The following SLC9A3 variants were observed in gnomAD, a reference collection of about 807,000 sequenced individuals.
SLC9A3 encodes sodium/hydrogen exchanger 3.
In SLC9A3, 37 loss-of-function variants were observed where a neutral mutation model predicts 86.8. The ratio of observed to expected loss-of-function variants is 0.43; its 90% CI spans 0.33 to 0.56. The LOEUF (loss-of-function observed/expected upper bound fraction) is 0.56. Ranked by LOEUF, SLC9A3 falls within the 20% of genes least tolerant of loss-of-function variation. The pLI is 0.06. For synonymous variants in SLC9A3, 581 were observed against 528.3 expected (o/e 1.10, Z -1.37); for missense variants, 1,011 against 1,171.9 (o/e 0.86, Z 2.00).
At chr5:503,881 G>A (rs73730834) in intron 1 of SLC9A3, among the ~76,000 whole-genome samples, 2,911 of 152,300 alleles carry the variant, frequency 0.019, 92 homozygotes, top group African/African-American at 0.067. Flanking sequence ...AATCGTCTGC[G>A]CGAGGCTGGG....
chr5:501,947 G>C (rs766361811), intron 1 of SLC9A3, among the ~76,000 whole-genome samples: 3 of 152,222 alleles, frequency 2.0e-5, no homozygotes, highest in Non-Finnish European at 4.4e-5. Context: ...GAGCGAGGCC[G>C]GGCCCCCGGG....
chr5:512,911 C>A (rs1015778404), intron 1 of SLC9A3, among the ~76,000 whole-genome samples: 2 of 152,162 alleles, frequency 1.3e-5, no homozygotes, highest in Admixed American at 1.3e-4. Flanking sequence ...TCTGACTCCA[C>A]GGTGCTGACA....
intron 10 of SLC9A3, chr5:479,489 G>GAT: frequency 7.4e-6 from 2 of 269,676 alleles, no homozygotes; most frequent in South Asian, 3.8e-5. Context: ...ACCTGCGTGT[G>GAT]CTGGGGCAGG....
chr5:483,614 C>G, intron 5 of SLC9A3, 132 bp from the exon 6 acceptor site: 1 of 698,460 alleles, frequency 1.4e-6, no homozygotes, highest in Non-Finnish European at 2.5e-6. Context: ...GGGCCTCTTC[C>G]TCCCGAGCCA....
intron 1 of SLC9A3, among the ~76,000 whole-genome samples, chr5:523,795 C>T (rs1037053055): frequency 2.0e-5 from 3 of 152,204 alleles, no homozygotes; most frequent in Non-Finnish European, 4.4e-5. Context: ...CGGGGACTCC[C>T]TGGGCGCGAG....
At chr5:489,779 A>G (rs1042261121) in intron 2 of SLC9A3, among the ~76,000 whole-genome samples, 41 of 151,984 alleles carry the variant, frequency 2.7e-4, no homozygotes, top group Non-Finnish European at 5.0e-4. Context: ...GATGGCCCCC[A>G]TGGATGTCCT....
Position 497,941 on chromosome 5 carries a change from G to A in SLC9A3, c.212-5870C>T, listed in dbSNP as rs1188823452. On this transcript the variant is annotated intron_variant, in intron 1 of 16. Coordinates refer to ENST00000264938, the MANE Select transcript of SLC9A3 (RefSeq NM_004174.4). The surrounding 1 kb of genome is among the most constrained non-coding windows in gnomAD (Gnocchi z 5.4). ...CCAGCCTCTGCCCTCCGACAACTCAGGCACCTGCTGGTCAGCTATGAAGCC... is the reference window on the plus strand; with the variant it reads ...CCAGCCTCTGCCCTCCGACAACTCAAGCACCTGCTGGTCAGCTATGAAGCC... Among the ~76,000 whole-genome samples the A allele has an allele frequency of 6.6e-6, 1 of 152,164 alleles. No individual in the cohort carries two copies. The highest frequency in any genetic ancestry group is 2.4e-5 in the African/African-American group (1 of 41,454).
intron 9 of SLC9A3, among the ~76,000 whole-genome samples, chr5:481,250 C>T (rs769524670): frequency 6.6e-5 from 10 of 152,204 alleles, no homozygotes; most frequent in Non-Finnish European, 1.2e-4. Flanking sequence ...AATCTATTTG[C>T]CTTATTTTCA....
At chr5:507,709 C>T (rs1181866461) in intron 1 of SLC9A3, among the ~76,000 whole-genome samples, 4 of 93,454 alleles carry the variant, frequency 4.3e-5, no homozygotes, top group East Asian at 4.9e-4. Context: ...GCCCGAATCT[C>T]CACCCCGCAG....
chr5:486,675 C>T (rs901379163), intron 3 of SLC9A3, among the ~76,000 whole-genome samples: 2 of 152,130 alleles, frequency 1.3e-5, no homozygotes, highest in Non-Finnish European at 2.9e-5. Context: ...GGCATGTGAG[C>T]GTGAAAAAGG....
chr5:485,103 G>T (rs775333443), intron 4 of SLC9A3, 50 bp downstream of exon 4: 5 of 1,347,050 alleles, frequency 3.7e-6, no homozygotes, highest in Non-Finnish European at 5.3e-6. Context: ...AAGACAGTTG[G>T]CCCCAGAGGA....
chr5:477,241 C>T lies in SLC9A3; in HGVS notation c.1760+91G>A. 5.7e-6 allele frequency: 5 copies of T among 879,050 alleles called. 1 individual carries two copies. In the South Asian group the frequency reaches 8.6e-5, roughly 15 times the overall value. 54.5% of individuals were successfully genotyped at this position (879,050 alleles called of 1,614,324 possible). On this transcript the variant is annotated intron_variant, in intron 11 of 16. Coordinates refer to ENST00000264938, the MANE Select transcript of SLC9A3 (RefSeq NM_004174.4). The stretch of plus-strand genomic sequence containing the variant: ...CCTCTCCCCTCTTCCATGCCACCCC[C>T]AGGCCAGGAGCCACCACAGCCCTGT...
chr5:507,430 T>C (rs1450956812), intron 1 of SLC9A3, among the ~76,000 whole-genome samples: 1 of 151,684 alleles, frequency 6.6e-6, no homozygotes, highest in Non-Finnish European at 1.5e-5. Context: ...CAGGCCTGGC[T>C]AATTTTACTA....
intron 1 of SLC9A3, among the ~76,000 whole-genome samples, chr5:514,683 G>A (rs1733672246): frequency 6.6e-6 from 1 of 152,250 alleles, no homozygotes; most frequent in South Asian, 2.1e-4. Flanking sequence ...GCCCGCAGTA[G>A]CTGCTGTTCT....
At chr5:492,743 T>C (rs540504558) in intron 1 of SLC9A3, among the ~76,000 whole-genome samples, 1 of 152,238 alleles carries the variant, frequency 6.6e-6, no homozygotes, top group South Asian at 2.1e-4. Context: ...CCTTTTGCCT[T>C]GGTGACCAAG....
In SLC9A3 at chr5:483,305, G is replaced by A. The variant is rs780339209; in HGVS notation, c.1110C>T (p.Phe370=). Residue 370 remains phenylalanine (F), a synonymous_variant, in exon 6 of 17, where the codon TTC becomes TTT. Coordinates refer to ENST00000264938, the MANE Select transcript of SLC9A3 (RefSeq NM_004174.4). ...AGATGAAGACCAGCGTCAGGAGCAC[G>A]AAGGCCGTGTTCCAGGTCCAGATGA... The part of the protein sequence containing the change: ...NPFIWTWNTA[F]VLLTLVFISV... 21 of 1,560,540 alleles carry A rather than the reference G, an allele frequency of 1.3e-5. No individual in the cohort carries two copies. The highest frequency in any genetic ancestry group is 9.7e-5 in the East Asian group (4 of 41,446).
chr5:482,506 G>A (rs769301599), intron 7 of SLC9A3, 42 bp downstream of exon 7: 33 of 1,520,878 alleles, frequency 2.2e-5, no homozygotes, highest in East Asian at 4.5e-5. Context: ...CTCCCCTCGC[G>A]GGCGGGGCCG....
intron 1 of SLC9A3, among the ~76,000 whole-genome samples, chr5:514,219 C>G (rs1023723128): frequency 6.6e-6 from 1 of 152,272 alleles, no homozygotes; most frequent in Non-Finnish European, 1.5e-5. Flanking sequence ...CTCACATGGG[C>G]GAGCCCTCGG....
At chr5:509,203 T>C (rs1463402187) in intron 1 of SLC9A3, among the ~76,000 whole-genome samples, 1 of 151,602 alleles carries the variant, frequency 6.6e-6, no homozygotes, top group African/African-American at 2.4e-5. Context: ...ATCCCACCAC[T>C]TTGGGAGGCT....
Sources: allele counts gnomAD v4.1 joint callset (sites outside exome capture counted in the v4.1 genomes callset), GRCh38; gene constraint gnomAD v4.1.1; non-coding constraint Gnocchi (gnomAD v3.1); transcripts MANE v1.5; gene names NCBI Gene and HGNC (gene_info 2026-07-23, HGNC 2026-07-21).